The following SLC4A4 variants were observed in gnomAD, a reference collection of about 807,000 sequenced individuals.
SLC4A4 encodes the protein solute carrier family 4 member 4.
SLC4A4 carries 27 observed loss-of-function variants against 111.5 expected under a neutral mutation model. That is an observed-to-expected ratio of 0.24 (90% CI 0.18 to 0.33). The LOEUF is 0.33. SLC4A4 is among the 10% of genes least tolerant of loss of function. The pLI is 1.00. For missense variants in SLC4A4, 909 were observed against 1,315.5 expected, an observed-to-expected ratio of 0.69 and a Z score of 4.78; for synonymous variants, 443 against 463.4, an observed-to-expected ratio of 0.96 and a Z score of 0.57.
intron 2 of SLC4A4, among the ~76,000 whole-genome samples, chr4:71,129,042 A>G (rs1293169467): frequency 6.6e-6 from 1 of 152,248 alleles, no homozygotes; most frequent in South Asian, 2.1e-4. Context: ...ACCATTCTGG[A>G]CATAGGATCT....
intron 3 of SLC4A4, among the ~76,000 whole-genome samples, chr4:71,309,590 G>C (rs540928648): frequency 2.0e-5 from 3 of 152,130 alleles, no homozygotes; most frequent in Non-Finnish European, 2.9e-5. Flanking sequence ...GAGGGGCCTG[G>C]CTGTTGGAAT....
intron 3 of SLC4A4, among the ~76,000 whole-genome samples, chr4:71,332,728 G>A (rs138496918): frequency 6.6e-6 from 1 of 152,290 alleles, no homozygotes; most frequent in Admixed American, 6.5e-5. Context: ...CACCGCGCCC[G>A]GCCGACTGTG....
At chr4:71,291,067 A>G (rs1724309886) in intron 3 of SLC4A4, among the ~76,000 whole-genome samples, 1 of 152,246 alleles carries the variant, frequency 6.6e-6, no homozygotes, top group Admixed American at 6.5e-5. Flanking sequence ...TACAGTTAAC[A>G]TCATGCCAAA....
chr4:71,472,042 G>A (rs1456014821), intron 13 of SLC4A4, among the ~76,000 whole-genome samples: 1 of 151,926 alleles, frequency 6.6e-6, no homozygotes, highest in Non-Finnish European at 1.5e-5. Context: ...CACACACAGT[G>A]AGCATTACAG....
chr4:71,146,459 T>C (rs545416492), intron 2 of SLC4A4, among the ~76,000 whole-genome samples: 1 of 152,326 alleles, frequency 6.6e-6, no homozygotes, highest in Admixed American at 6.5e-5. Context: ...AGATGTCCAT[T>C]AGGTCCGCTT....
At chr4:71,306,799 A>T (rs780562933) in intron 3 of SLC4A4, among the ~76,000 whole-genome samples, 3 of 152,314 alleles carry the variant, frequency 2.0e-5, no homozygotes, top group Non-Finnish European at 4.4e-5. Flanking sequence ...AATTTTTCTG[A>T]TTGACAGTGA....
At chr4:71,514,291 A>T (rs1475139970) in intron 16 of SLC4A4, among the ~76,000 whole-genome samples, 1 of 152,022 alleles carries the variant, frequency 6.6e-6, no homozygotes, top group South Asian at 2.1e-4. Flanking sequence ...TTCTCACAAG[A>T]TCTGGTCATT....
At chr4:71,080,810 T>C (rs570418265) in intron 1 of SLC4A4, among the ~76,000 whole-genome samples, 11 of 152,190 alleles carry the variant, frequency 7.2e-5, no homozygotes, top group Admixed American at 1.3e-4. Context: ...TCATCTTTTA[T>C]AGTTTCATTC....
Position 71,079,313 on chromosome 4 carries a change from T to C in SLC4A4, c.-64-13417T>C, listed in dbSNP as rs116720256. Among the ~76,000 whole-genome samples, 579 of 152,196 alleles carry C rather than the reference T, an allele frequency of 3.8e-3. 3 individuals carry two copies. Among genetic ancestry groups the C allele is most frequent in the African/African-American group, 0.013 (552 of 41,516 alleles). On this transcript the variant is annotated intron_variant, in intron 1 of 26. Transcript: ENST00000649996. ...TCGCAAGCCCGAGGCAGGTGAAACATGGGACACATATACAGCAGTGTGAAG... is the reference window on the plus strand; with the variant it reads ...TCGCAAGCCCGAGGCAGGTGAAACACGGGACACATATACAGCAGTGTGAAG...
At chr4:71,098,130 T>C (rs1466465025) in intron 2 of SLC4A4, among the ~76,000 whole-genome samples, 1 of 152,174 alleles carries the variant, frequency 6.6e-6, no homozygotes, top group East Asian at 1.9e-4. Flanking sequence ...ATTACCTAGG[T>C]TGTCTTCCAG....
chr4:71,272,681 G>A (rs562191300), intron 3 of SLC4A4, among the ~76,000 whole-genome samples: 32 of 152,234 alleles, frequency 2.1e-4, no homozygotes, highest in Admixed American at 4.6e-4. Flanking sequence ...AGCTTTATGT[G>A]CACAGTTCCA....
intron 21 of SLC4A4, among the ~76,000 whole-genome samples, chr4:71,556,149 G>C (rs1736462834): frequency 1.3e-5 from 2 of 151,820 alleles, no homozygotes; most frequent in Non-Finnish European, 2.9e-5. Context: ...TGGGCAAGTG[G>C]CCAGACTACC....
At chr4:71,529,407 C>T (rs1453689582) in intron 16 of SLC4A4, among the ~76,000 whole-genome samples, 3 of 152,094 alleles carry the variant, frequency 2.0e-5, no homozygotes, top group Non-Finnish European at 4.4e-5. Flanking sequence ...AGGGCATTTT[C>T]TCTTTGTTGG....
intron 16 of SLC4A4, among the ~76,000 whole-genome samples, chr4:71,524,889 G>A (rs73829827): frequency 0.014 from 2,103 of 152,194 alleles, 35 homozygotes; most frequent in South Asian, 0.065. Context: ...GGTGCCTGTC[G>A]TTGTCCTTGT....
chr4:71,396,368 C>T (rs1719822750), intron 6 of SLC4A4, among the ~76,000 whole-genome samples: 1 of 152,072 alleles, frequency 6.6e-6, no homozygotes, highest in Non-Finnish European at 1.5e-5. Context: ...TAAATAGCTG[C>T]TGTTATATAG....
At chr4:71,551,137 A>G (rs895779521) in intron 20 of SLC4A4, among the ~76,000 whole-genome samples, 1 of 151,910 alleles carries the variant, frequency 6.6e-6, no homozygotes, top group Non-Finnish European at 1.5e-5. Flanking sequence ...GATGAAAGGC[A>G]CTTCCTTGAG....
chr4:71,170,363 A>G lies in SLC4A4; in HGVS notation c.-1-66213A>G, dbSNP rs372439730. On this transcript the variant is annotated intron_variant, in intron 2 of 26. Transcript: ENST00000649996. ...AAATATTTTTTGAATGAATAAATGA[A>G]AGACAGTTTAAAACAAGAGGAAAAT... Among the ~76,000 whole-genome samples, 34 of 152,306 alleles carry G rather than the reference A, an allele frequency of 2.2e-4. 1 individual carries two copies. The East Asian group carries it at 6.4e-3, about 29-fold the overall frequency.
chr4:71,496,022 A>G (rs1350790742), intron 15 of SLC4A4, among the ~76,000 whole-genome samples: 1 of 152,138 alleles, frequency 6.6e-6, no homozygotes. Context: ...AGGATATTTA[A>G]GAAGATTCAA....
chr4:71,253,289 A>T (rs991503213), intron 2 of SLC4A4, among the ~76,000 whole-genome samples: 10 of 152,128 alleles, frequency 6.6e-5, no homozygotes, highest in Admixed American at 4.6e-4. Context: ...TTACCTTAGC[A>T]TCTTATCCAC....
Sources: gnomAD v4.1 joint callset for allele counts (sites outside exome capture counted in the v4.1 genomes callset) on GRCh38, gnomAD v4.1.1 for gene constraint, MANE v1.5 for transcripts, NCBI Gene and HGNC (gene_info 2026-07-23, HGNC 2026-07-21) for gene names.